The following MUC4 variants were observed in gnomAD, a reference collection of about 807,000 sequenced individuals.
MUC4 encodes mucin 4, cell surface associated.
Under a neutral mutation model 257.9 loss-of-function variants are expected in MUC4, and 202 were observed. The observed-to-expected ratio is 0.78, with a 90% CI of 0.70 to 0.88. The LOEUF is 0.88. Ranked by LOEUF, MUC4 falls within the 40% of genes least tolerant of loss-of-function variation. MUC4 has a pLI of 0.00. For synonymous variants in MUC4, 2,351 were observed against 2,757.1 expected (o/e 0.85, Z 4.62); for missense variants, 5,976 against 6,513.7 (o/e 0.92, Z 2.84).
At position 195,778,387 on chromosome 3, in the gene MUC4, A is replaced by G. The variant is rs1481118660; in HGVS notation, c.12859T>C (p.Ser4287Pro). The G allele has an allele frequency of 1.2e-6, 2 of 1,612,896 alleles. No homozygotes were observed. Among genetic ancestry groups the G allele is most frequent in the Non-Finnish European group, 1.7e-6 (2 of 1,179,808 alleles). ...RTATSPPPTT[S>P]QTIISTIPST... Reference sequence around the variant, plus strand: ...GGAATGGTGGAAATGATGGTCTGGGAGGTTGTGGGGGGTGGTGATGTGGCT... The same window carrying G: ...GGAATGGTGGAAATGATGGTCTGGGGGGTTGTGGGGGGTGGTGATGTGGCT... The change falls in exon 3 of 25, where the codon TCC becomes CCC. Residue 4287 changes from serine to proline, a missense_variant. This residue lies in a region of MUC4 where 233 missense variants were observed against 171.2 expected (regional missense o/e 1.36). Coordinates refer to ENST00000463781, the MANE Select transcript of MUC4 (RefSeq NM_018406.7).
chr3:195,763,021 C>G, intron 12 of MUC4, 76 bp from the exon 13 acceptor site: 1 of 1,256,682 alleles, frequency 8.0e-7, no homozygotes, highest in Non-Finnish European at 1.1e-6. Context: ...TGGGAGAGCC[C>G]CTGGGGCTGG....
chr3:195,797,511 T>C (rs2149058132), intron 1 of MUC4, among the ~76,000 whole-genome samples: 1 of 152,280 alleles, frequency 6.6e-6, no homozygotes. Context: ...ATAAACAATG[T>C]CAATTATAAC....
rs2148799548 is a variant in MUC4 at position 195,761,580 on chromosome 3, A to G, written c.14518T>C (p.Trp4840Arg). ...AAGTCGTCCTCTGGATTGTTATTCC[A>G]GACCCCTGAGGGACAGAGTGGGAGG... ...QNRTEGLLGVWNNNPEDDFRM... is the reference protein window; with the variant it reads ...QNRTEGLLGVRNNNPEDDFRM... Residue 4840 changes from tryptophan (W) to arginine (R), a missense_variant, in exon 15 of 25, where the codon TGG (tryptophan) becomes CGG (arginine). Physicochemically the swap from Trp to Arg is moderately radical, Grantham distance 101 (BLOSUM62 -3). Coordinates refer to ENST00000463781, the MANE Select transcript of MUC4 (RefSeq NM_018406.7). 1 of 1,613,702 alleles carries G rather than the reference A, an allele frequency of 6.2e-7. No homozygotes were observed. Among genetic ancestry groups the G allele is most frequent in the East Asian group, 2.2e-5 (1 of 44,866 alleles).
chr3:195,767,672 T>C (rs867263088), intron 7 of MUC4, among the ~76,000 whole-genome samples: 93 of 9,048 alleles, frequency 0.01, 4 homozygotes, highest in African/African-American at 0.046. Flanking sequence ...ACCATCACCA[T>C]CACCACCATC....
At chr3:195,768,460 T>C (rs1443122715) in intron 7 of MUC4, among the ~76,000 whole-genome samples, 2 of 152,172 alleles carry the variant, frequency 1.3e-5, no homozygotes. Flanking sequence ...ATATAAGCTT[T>C]TGGGTGCCCC....
rs1013267099 is a variant in MUC4 at position 195,761,980 on chromosome 3, G to A, written c.14512+107C>T. ...TGTGCCCCAAGGGTTCTGCTCCAAG[G>A]AGGCGGAGAAAGGGAGGCCGAGCAG... is the stretch of plus-strand genomic sequence containing the variant. On this transcript the variant is annotated intron_variant, in intron 14 of 24. Coordinates refer to ENST00000463781, the MANE Select transcript of MUC4 (RefSeq NM_018406.7). 69 of 1,294,782 alleles carry A rather than the reference G, an allele frequency of 5.3e-5. No homozygotes were observed. The African/African-American group carries it at 8.9e-4, about 17-fold the overall frequency. 80.2% of individuals were successfully genotyped at this position (1,294,782 alleles called of 1,614,324 possible).
At chr3:195,769,859 A>G (rs910794876) in intron 6 of MUC4, among the ~76,000 whole-genome samples, 5 of 152,178 alleles carry the variant, frequency 3.3e-5, no homozygotes, top group African/African-American at 1.2e-4. Context: ...AACCTCTCTA[A>G]CCATTGTCTT....
intron 1 of MUC4, among the ~76,000 whole-genome samples, chr3:195,794,416 AAGAG>A (rs917972248): frequency 2.0e-4 from 30 of 150,496 alleles, no homozygotes; most frequent in South Asian, 8.3e-4. Flanking sequence ...GAGAGAAAGA[AAGAG>A]AGAGAGAGAA....
chr3:195,769,364 G>T lies in MUC4; in HGVS notation c.13399-212C>A, dbSNP rs1722306997. 4 of 593,180 alleles carry T rather than the reference G, an allele frequency of 6.7e-6. No homozygotes were observed. The East Asian group carries it at 1.2e-4, about 17-fold the overall frequency. The allele number at this position is 593,180 out of a possible 1,614,324, so 36.7% of individuals were successfully genotyped here. ...GGGTGCGAACGCACTTACCACGGTG[G>T]ATTTGCCTTTTGGTGACTTTCTTCC... On this transcript the variant is annotated intron_variant, in intron 6 of 24. Coordinates refer to ENST00000463781, the MANE Select transcript of MUC4 (RefSeq NM_018406.7).
rs1268447950 is a variant in MUC4 at position 195,777,704 on chromosome 3, C to G, written c.12943+599G>C. ...ACCTTCCACATCCATACCTTCCACA[C>G]CCATACCTTCCACACCCATACCTTC... On this transcript the variant is annotated intron_variant, in intron 3 of 24. Transcript: ENST00000463781. Among the ~76,000 whole-genome samples, 11 of 17,028 alleles carry G rather than the reference C, an allele frequency of 6.5e-4. 1 individual carries two copies. The highest frequency in any genetic ancestry group is 0.016 in the Middle Eastern group (1 of 62). The allele number at this position is 17,028 out of a possible 152,430, so 11.2% of individuals were successfully genotyped here.
At chr3:195,778,549 G>A in intron 2 of MUC4, 94 bp from the exon 3 acceptor site, 73 of 1,501,848 alleles carry the variant, frequency 4.9e-5, no homozygotes, top group Non-Finnish European at 6.2e-5. Flanking sequence ...GGAAGAGGGA[G>A]CTGGAAACTC....
chr3:195,747,914 C>A (rs1385016432), intron 24 of MUC4, among the ~76,000 whole-genome samples: 2 of 152,264 alleles, frequency 1.3e-5, no homozygotes, highest in African/African-American at 2.4e-5. Context: ...CAGTCAGCTG[C>A]ACCTGGGCGG....
Position 195,789,581 on chromosome 3 carries a change from G to A in MUC4, c.1999C>T (p.Pro667Ser), listed in dbSNP as rs1262735434. ...CCACTGGCTGTGAAGGAAGAACCTG[G>A]GGTGGTGACTGTCTTGGTGTCAGTC... ...PMTDTKTVTT[P>S]GSSFTASGHS... The change falls in exon 2 of 25, where the codon CCA (proline) becomes TCA (serine). Residue 667 changes from proline to serine, a missense_variant. Physicochemically the swap from Pro to Ser is moderately conservative, Grantham distance 74 (BLOSUM62 -1). This residue lies in a region of MUC4 where 1,583 missense variants were observed against 1,257.4 expected (regional missense o/e 1.26). Coordinates refer to ENST00000463781, the MANE Select transcript of MUC4 (RefSeq NM_018406.7). The A allele has an allele frequency of 6.2e-7, 1 of 1,613,978 alleles. No homozygotes were observed. Among genetic ancestry groups the A allele is most frequent in the African/African-American group, 1.3e-5 (1 of 75,042 alleles).
intron 6 of MUC4, among the ~76,000 whole-genome samples, chr3:195,769,863 T>C (rs1258524203): frequency 6.6e-6 from 1 of 152,172 alleles, no homozygotes; most frequent in Non-Finnish European, 1.5e-5. Flanking sequence ...TCTCTAACCA[T>C]TGTCTTCCTC....
Position 195,811,757 on chromosome 3 carries a change from G to T in MUC4, c.61C>A (p.Leu21Ile). 1 of 1,614,038 alleles carries T rather than the reference G, an allele frequency of 6.2e-7. No individual in the cohort carries two copies. The highest frequency in any genetic ancestry group is 8.5e-7 in the Non-Finnish European group (1 of 1,179,988). The change falls in exon 1 of 25, where the codon CTC (leucine) becomes ATC (isoleucine). Residue 21 changes from leucine to isoleucine, a missense_variant. Physicochemically the swap from Leu to Ile is conservative, Grantham distance 5. This residue lies in a region of MUC4 where 1,583 missense variants were observed against 1,257.4 expected (regional missense o/e 1.26). Coordinates refer to ENST00000463781, the MANE Select transcript of MUC4 (RefSeq NM_018406.7). The part of the protein sequence containing the change: ...WVSLSCLCLC[L>I]LPHVVPGTTE... Reference sequence around the variant, plus strand: ...TTACCTGGGACCACATGCGGAAGGAGGCAGAGACACAGGCAGCTCAGGGAC... The same window carrying T: ...TTACCTGGGACCACATGCGGAAGGATGCAGAGACACAGGCAGCTCAGGGAC...
chr3:195,789,739 G>A lies in MUC4; in HGVS notation c.1841C>T (p.Pro614Leu). ...ATGTATTGTTGAATGATTTGTTGAT[G>A]GTGCCGTTGTAATTTGTTGGGATGT... ...RHTSQQITTA[P>L]STNHSTIHST... is the part of the protein sequence containing the mutation. The change falls in exon 2 of 25, where the codon CCA (proline) becomes CTA (leucine). Residue 614 changes from proline to leucine, a missense_variant. Pro to Leu is a moderately conservative substitution (Grantham distance 98). Transcript: ENST00000463781. 1.2e-6 allele frequency: 2 copies of A among 1,613,938 alleles called. No homozygotes were observed. The highest frequency in any genetic ancestry group is 1.7e-6 in the Non-Finnish European group (2 of 1,179,844).
At position 195,790,643 on chromosome 3, in the gene MUC4, T is replaced by C. The variant is rs1351726517; in HGVS notation, c.937A>G (p.Thr313Ala). Residue 313 changes from threonine to alanine, a missense_variant, in exon 2 of 25, where the codon ACT becomes GCT. This residue lies in a region of MUC4 where 1,583 missense variants were observed against 1,257.4 expected (regional missense o/e 1.26). Coordinates refer to ENST00000463781, the MANE Select transcript of MUC4 (RefSeq NM_018406.7). The part of the protein sequence containing the change: ...EGQSPATFSR[T>A]STQDTTAFSK... ...AAAGCTGTTGTGTCCTGAGTAGAAGTCCTTGAGAAAGTTGCTGGTGATTGT... is the reference window on the plus strand; with the variant it reads ...AAAGCTGTTGTGTCCTGAGTAGAAGCCCTTGAGAAAGTTGCTGGTGATTGT... 6.2e-7 allele frequency: 1 copy of C among 1,614,044 alleles called. No individual in the cohort carries two copies. The highest frequency in any genetic ancestry group is 1.7e-5 in the Admixed American group (1 of 60,024).
rs1383977219 is a variant in MUC4, at chr3:195,788,713, G to A, written c.2867C>T (p.Thr956Ile). 6 of 1,612,630 alleles carry A rather than the reference G, an allele frequency of 3.7e-6. No homozygotes were observed. The highest frequency in any genetic ancestry group is 2.2e-5 in the South Asian group (2 of 91,070). ...TTTACCAGACCCTGAAGGTGACAGA[G>A]TGTGGGTCTCGGTTTGTGGAGATGT... ...GLTSPQTETH[T>I]LSPSGSGKTF... The change falls in exon 2 of 25, where the codon ACT becomes ATT. Residue 956 changes from threonine to isoleucine, a missense_variant. Thr to Ile is a moderately conservative substitution (Grantham distance 89). This residue lies in a region of MUC4 where 1,583 missense variants were observed against 1,257.4 expected (regional missense o/e 1.26). Transcript: ENST00000463781.
rs145772547 is a variant in MUC4 at position 195,771,728 on chromosome 3, C to G, written c.13166G>C (p.Arg4389Pro). Residue 4389 changes from arginine (R) to proline (P), a missense_variant, in exon 5 of 25, where the codon CGG (arginine) becomes CCG (proline). By Grantham distance (103) the Arg-to-Pro change is moderately radical (BLOSUM62 -2). Transcript: ENST00000463781. ...CGGAGCCACCAGGGCCACAGGGTCC[C>G]GGCCTGTGAAGCCTGTTGGGAGTGG... ...PNPLPTGFTG[R>P]DPVALVAPFW... 68 of 1,613,688 alleles carry G rather than the reference C, an allele frequency of 4.2e-5. No homozygotes were observed. The highest frequency in any genetic ancestry group is 5.1e-5 in the Non-Finnish European group (60 of 1,179,832).
Sources: gnomAD v4.1 joint callset for allele counts (sites outside exome capture counted in the v4.1 genomes callset) on GRCh38, gnomAD v4.1.1 for gene constraint, gnomAD v4.1.1 regional missense constraint, MANE v1.5 for transcripts, NCBI Gene and HGNC (gene_info 2026-07-23, HGNC 2026-07-21) for gene names.